Variants in RBFOX1 observed in about 807,000 individuals in gnomAD.
RBFOX1 encodes the protein RNA binding fox-1 homolog 1.
Under a neutral mutation model 57.7 loss-of-function variants are expected in RBFOX1, and 8 were observed. The observed-to-expected ratio is 0.14, with a 90% CI of 0.08 to 0.25. The LOEUF (loss-of-function observed/expected upper bound fraction) is 0.25, where lower values mean the gene tolerates loss of function less well. RBFOX1 is among the 10% of genes least tolerant of loss of function. RBFOX1 has a pLI of 1.00. For synonymous variants in RBFOX1, 326 were observed against 222.4 expected (o/e 1.47, Z -4.15); for missense variants, 611 against 548.5 (o/e 1.11, Z -1.14).
intron 1 of RBFOX1, among the ~76,000 whole-genome samples, chr16:6,113,486 G>C (rs1363606012): frequency 6.6e-6 from 1 of 152,216 alleles, no homozygotes; most frequent in African/African-American, 2.4e-5. Context: ...GTGTGGACTT[G>C]TTGATGGTAC....
chr16:5,289,222 G>T, intron 1 of RBFOX1: 1 of 352,778 alleles, frequency 2.8e-6, no homozygotes, highest in Non-Finnish European at 5.6e-6. Context: ...AGTCATTCTG[G>T]GCTGACTGGG....
chr16:6,388,985 G>A (rs925697779), intron 2 of RBFOX1, among the ~76,000 whole-genome samples: 1 of 152,140 alleles, frequency 6.6e-6, no homozygotes, highest in Non-Finnish European at 1.5e-5. Context: ...AAGGTCCCTG[G>A]ATCCAGCTAA....
chr16:5,519,189 C>G (rs1238141431), intron 2 of RBFOX1, among the ~76,000 whole-genome samples: 1 of 152,200 alleles, frequency 6.6e-6, no homozygotes, highest in South Asian at 2.1e-4. Context: ...GGCTGTGATA[C>G]TTTGTGGTGG....
At chr16:7,674,398 A>G (rs1005124310) in intron 13 of RBFOX1, among the ~76,000 whole-genome samples, 6 of 152,208 alleles carry the variant, frequency 3.9e-5, no homozygotes, top group African/African-American at 1.4e-4. Flanking sequence ...GTCATTTACT[A>G]GAAGTAGCTA....
intron 3 of RBFOX1, among the ~76,000 whole-genome samples, chr16:6,985,943 G>C (rs1224638987): frequency 6.7e-6 from 1 of 150,284 alleles, no homozygotes; most frequent in Non-Finnish European, 1.5e-5. Flanking sequence ...AAATCTCCAT[G>C]GAGTGATATA....
At chr16:5,685,628 C>G (rs1044288186) in intron 3 of RBFOX1, among the ~76,000 whole-genome samples, 1 of 152,072 alleles carries the variant, frequency 6.6e-6, no homozygotes, top group Non-Finnish European at 1.5e-5. Context: ...TAAGTTAATC[C>G]ATTTCTTTTT....
intron 4 of RBFOX1, among the ~76,000 whole-genome samples, chr16:7,450,567 G>A (rs932672923): frequency 8.5e-5 from 13 of 152,086 alleles, no homozygotes; most frequent in Middle Eastern, 3.2e-3. Context: ...GGGATGCTGC[G>A]TGAGTGTCTT....
At chr16:5,705,111 A>C (rs1054562910) in intron 3 of RBFOX1, among the ~76,000 whole-genome samples, 1 of 152,208 alleles carries the variant, frequency 6.6e-6, no homozygotes, top group Admixed American at 6.5e-5. Context: ...AATTATTATT[A>C]GTAAAGATAG....
intron 3 of RBFOX1, among the ~76,000 whole-genome samples, chr16:5,670,278 G>C (rs1438254673): frequency 6.6e-6 from 1 of 152,162 alleles, no homozygotes; most frequent in African/African-American, 2.4e-5. Context: ...TTAATACTGT[G>C]AGTGTATTAA....
intron 4 of RBFOX1, among the ~76,000 whole-genome samples, chr16:7,162,345 A>G (rs1255986796): frequency 6.6e-6 from 1 of 152,176 alleles, no homozygotes; most frequent in Non-Finnish European, 1.5e-5. Flanking sequence ...GGCGAAATGA[A>G]TATATTTGCT....
Position 5,680,105 on chromosome 16 carries a change from G to A in RBFOX1, c.318+81144G>A, listed in dbSNP as rs28475878. Among the ~76,000 whole-genome samples, 1,055 of 152,344 alleles carry A rather than the reference G, an allele frequency of 6.9e-3. 14 individuals carry two copies. Among genetic ancestry groups the A allele is most frequent in the African/African-American group, 0.024 (1,002 of 41,568 alleles). Reference sequence around the variant, plus strand: ...AAGTTTATCAACAAAGGCGTCAGAAGAGGGACATCATGAGACTGGCAGAGG... The same window carrying A: ...AAGTTTATCAACAAAGGCGTCAGAAAAGGGACATCATGAGACTGGCAGAGG... On this transcript the variant is annotated intron_variant, in intron 3 of 19. Transcript: ENST00000641259.
intron 3 of RBFOX1, among the ~76,000 whole-genome samples, chr16:5,839,395 C>G (rs2056556308): frequency 6.6e-6 from 1 of 152,124 alleles, no homozygotes; most frequent in Non-Finnish European, 1.5e-5. Flanking sequence ...GTTTATGGCC[C>G]TAATTCCTTT....
intron 4 of RBFOX1, among the ~76,000 whole-genome samples, chr16:7,412,379 C>T (rs943445056): frequency 2.0e-5 from 3 of 147,034 alleles, no homozygotes; most frequent in African/African-American, 5.1e-5. Flanking sequence ...CGCACCAGTG[C>T]ACTCCAGGCT....
chr16:7,624,073 TGGTTGGTAA>T (rs2059713189), intron 10 of RBFOX1, among the ~76,000 whole-genome samples: 1 of 152,192 alleles, frequency 6.6e-6, no homozygotes, highest in Non-Finnish European at 1.5e-5. Context: ...AATTTACCTC[TGGTTGGTAA>T]GGTTTTTGGT....
intron 2 of RBFOX1, among the ~76,000 whole-genome samples, chr16:5,588,772 C>T (rs554327853): frequency 2.6e-5 from 4 of 152,160 alleles, no homozygotes; most frequent in South Asian, 2.1e-4. Flanking sequence ...GGAGTCAAGC[C>T]GGTCTTTTTT....
At chr16:7,536,413 G>A (rs2081480351) in intron 5 of RBFOX1, among the ~76,000 whole-genome samples, 1 of 152,118 alleles carries the variant, frequency 6.6e-6, no homozygotes, top group Non-Finnish European at 1.5e-5. Context: ...GGCCAAAATG[G>A]TAAAACCCTG....
intron 4 of RBFOX1, among the ~76,000 whole-genome samples, chr16:7,134,297 A>G (rs1429967925): frequency 2.6e-5 from 4 of 152,184 alleles, no homozygotes; most frequent in Admixed American, 2.0e-4. Context: ...TTTTGCTGTG[A>G]AACTTTGGAA....
chr16:6,885,193 A>G (rs1027247313), intron 3 of RBFOX1, among the ~76,000 whole-genome samples: 2 of 152,162 alleles, frequency 1.3e-5, no homozygotes, highest in South Asian at 2.1e-4. Flanking sequence ...CCAATGACTG[A>G]GCCATCACTT....
At chr16:7,175,380 A>G (rs530786999) in intron 4 of RBFOX1, among the ~76,000 whole-genome samples, 1 of 152,250 alleles carries the variant, frequency 6.6e-6, no homozygotes, top group Non-Finnish European at 1.5e-5. Context: ...ACTACCTATA[A>G]TTTCCTTTCC....
Sources: allele counts gnomAD v4.1 joint callset (sites outside exome capture counted in the v4.1 genomes callset), GRCh38; gene constraint gnomAD v4.1.1; transcripts MANE v1.5; gene names NCBI Gene and HGNC (gene_info 2026-07-23, HGNC 2026-07-21).